ZSWIM5: variants seen among roughly 807,000 people sequenced by gnomAD.
The protein encoded by ZSWIM5 is zinc finger SWIM domain-containing protein 5.
A neutral mutation model predicts 119.6 loss-of-function variants in ZSWIM5; 55 were observed. That is an observed-to-expected ratio of 0.46 (90% CI 0.37 to 0.58). The LOEUF is 0.58. Ranked by LOEUF, ZSWIM5 falls within the 20% of genes least tolerant of loss-of-function variation. The probability of loss-of-function intolerance (pLI) is 0.00; values close to 1 mark genes in which losing one functional copy is unlikely to be tolerated. For missense variants in ZSWIM5, 1,193 were observed against 1,512.8 expected (o/e 0.79, Z 3.51); for synonymous variants, 537 against 606.9 (o/e 0.88, Z 1.69).
At chr1:45,178,955 CA>C (rs1347383355) in intron 1 of ZSWIM5, among the ~76,000 whole-genome samples, 1 of 151,824 alleles carries the variant, frequency 6.6e-6, no homozygotes, top group Non-Finnish European at 1.5e-5. Context: ...ATGAATTCCA[CA>C]AGGTTAGGGG....
intron 5 of ZSWIM5, 132 bp downstream of exon 5, chr1:45,050,942 A>C (rs1176104607): frequency 4.5e-6 from 4 of 897,890 alleles, no homozygotes; most frequent in Non-Finnish European, 6.6e-6. Flanking sequence ...GATGAATAAA[A>C]ACACAGGCTT....
intron 2 of ZSWIM5, among the ~76,000 whole-genome samples, chr1:45,082,497 T>G (rs1039226200): frequency 6.6e-5 from 10 of 152,196 alleles, no homozygotes; most frequent in African/African-American, 2.4e-4. Flanking sequence ...TGGAACTCAG[T>G]TCTATGTCTT....
At chr1:45,038,913 T>C (rs776071662) in intron 8 of ZSWIM5, 23 bp downstream of exon 8, 12 of 1,611,918 alleles carry the variant, frequency 7.4e-6, no homozygotes, top group Non-Finnish European at 1.0e-5. Context: ...CAGTCTTGGT[T>C]TGCCTCAGGC....
At chr1:45,090,105 C>T (rs1409621478) in intron 1 of ZSWIM5, among the ~76,000 whole-genome samples, 1 of 152,120 alleles carries the variant, frequency 6.6e-6, no homozygotes, top group East Asian at 1.9e-4. Context: ...GAAAACTTTA[C>T]AAGATTCAAG....
At chr1:45,070,717 C>T (rs1055086634) in intron 2 of ZSWIM5, among the ~76,000 whole-genome samples, 2 of 152,218 alleles carry the variant, frequency 1.3e-5, no homozygotes, top group Admixed American at 6.5e-5. Flanking sequence ...GTTGACCATT[C>T]ACTTTTTGAA....
intron 1 of ZSWIM5, among the ~76,000 whole-genome samples, chr1:45,160,860 C>T (rs1170475242): frequency 4.9e-5 from 7 of 143,618 alleles, no homozygotes; most frequent in East Asian, 2.0e-4. Flanking sequence ...CTCTCTTTGT[C>T]GCCCAGGCTG....
At chr1:45,025,735 CAT>C (rs982754233) in intron 11 of ZSWIM5, among the ~76,000 whole-genome samples, 18 of 152,290 alleles carry the variant, frequency 1.2e-4, no homozygotes, top group Admixed American at 1.0e-3. Context: ...GGGATTCATA[CAT>C]AGTCAATCAT....
chr1:45,097,890 A>C (rs1191384604), intron 1 of ZSWIM5, among the ~76,000 whole-genome samples: 2 of 146,090 alleles, frequency 1.4e-5, no homozygotes, highest in Admixed American at 6.6e-5. Flanking sequence ...TGTGTTAAGT[A>C]CTATAAAGAA....
chr1:45,091,836 G>A (rs534531690), intron 1 of ZSWIM5, among the ~76,000 whole-genome samples: 5 of 152,114 alleles, frequency 3.3e-5, no homozygotes, highest in South Asian at 4.1e-4. Flanking sequence ...AAGAATATTC[G>A]TTAGATTTGA....
At chr1:45,031,029 C>T (rs1283602956) in intron 11 of ZSWIM5, among the ~76,000 whole-genome samples, 1 of 151,646 alleles carries the variant, frequency 6.6e-6, no homozygotes, top group Non-Finnish European at 1.5e-5. Flanking sequence ...TAACTCCTGA[C>T]CTCAAGCAAT....
At chr1:45,180,267 C>T (rs891161242) in intron 1 of ZSWIM5, among the ~76,000 whole-genome samples, 1 of 152,180 alleles carries the variant, frequency 6.6e-6, no homozygotes, top group Non-Finnish European at 1.5e-5. Context: ...GGAAACGGCA[C>T]ACCAGGAGAT....
At chr1:45,092,357 C>T (rs1475780403) in intron 1 of ZSWIM5, among the ~76,000 whole-genome samples, 2 of 151,956 alleles carry the variant, frequency 1.3e-5, no homozygotes, top group Non-Finnish European at 2.9e-5. Context: ...AGTGCAGTGG[C>T]CCAAACTCAG....
Position 45,019,081 on chromosome 1 carries a change from G to C in ZSWIM5, c.2931C>G (p.His977Gln). The C allele has an allele frequency of 6.2e-7, 1 of 1,614,226 alleles. No homozygotes were observed. The highest frequency in any genetic ancestry group is 1.3e-5 in the African/African-American group (1 of 75,042). Residue 977 changes from histidine to glutamine, a missense_variant, in exon 14 of 14, where the codon CAC (histidine) becomes CAG (glutamine). His to Gln is a conservative substitution (Grantham distance 24, BLOSUM62 0). Coordinates refer to ENST00000359600, the MANE Select transcript of ZSWIM5 (RefSeq NM_020883.2). This position sits in a 1 kb window ranked among gnomAD's most constrained non-coding sequence, Gnocchi z 5.0. ...TCTGGTAGGCTGCCTCAAAGGCAAT[G>C]TGGTCTTTCTCACAGAGTGTAAGGG... ...LSALTLCEKD[H>Q]IAFEAAYQIA...
chr1:45,080,279 G>C (rs559900400), intron 2 of ZSWIM5, among the ~76,000 whole-genome samples: 2 of 152,282 alleles, frequency 1.3e-5, no homozygotes, highest in South Asian at 2.1e-4. Context: ...CCCACAGAGG[G>C]GAGGCTTGCT....
chr1:45,052,014 T>TG (rs1012473995), intron 4 of ZSWIM5, among the ~76,000 whole-genome samples: 2 of 151,750 alleles, frequency 1.3e-5, no homozygotes, highest in African/African-American at 2.4e-5. Flanking sequence ...TTTTTTTTTT[T>TG]TTGAGACAAA....
chr1:45,099,147 G>T (rs532233494), intron 1 of ZSWIM5, among the ~76,000 whole-genome samples: 1 of 151,998 alleles, frequency 6.6e-6, no homozygotes, highest in Non-Finnish European at 1.5e-5. Context: ...TTGATAGACC[G>T]CTAGCAAGAC....
chr1:45,160,989 A>ATTTTTTTTTT (rs534599856), intron 1 of ZSWIM5, among the ~76,000 whole-genome samples: 3 of 122,662 alleles, frequency 2.4e-5, no homozygotes, highest in Admixed American at 8.4e-5. Context: ...GCCCGGCTAA[A>ATTTTTTTTTT]TTTTTTTTTT....
intron 1 of ZSWIM5, among the ~76,000 whole-genome samples, chr1:45,112,833 C>T (rs1645526540): frequency 1.3e-5 from 2 of 152,158 alleles, no homozygotes; most frequent in South Asian, 2.1e-4. Flanking sequence ...CCCAGGGAAA[C>T]GAAGGCAAAG....
In ZSWIM5 at chr1:45,070,028, T is replaced by C. The variant is rs112423845; in HGVS notation, c.953-9781A>G. On this transcript the variant is annotated intron_variant, in intron 2 of 13. Coordinates refer to ENST00000359600, the MANE Select transcript of ZSWIM5 (RefSeq NM_020883.2). ...TCATTCTCATGAATACTTGAGTAGC[T>C]ATGAAAAACCTCAATAAGACACACA... 4,812 of 786,262 alleles carry C rather than the reference T, an allele frequency of 6.1e-3. 175 individuals are homozygous for C. In the African/African-American group the frequency reaches 0.073, roughly 12 times the overall value. The allele number at this position is 786,262 out of a possible 1,614,324, so 48.7% of individuals were successfully genotyped here.
Sources: allele counts gnomAD v4.1 joint callset (sites outside exome capture counted in the v4.1 genomes callset), GRCh38; gene constraint gnomAD v4.1.1; non-coding constraint Gnocchi (gnomAD v3.1); transcripts MANE v1.5; gene names NCBI Gene and HGNC (gene_info 2026-07-23, HGNC 2026-07-21).